Variants in AGRP observed in about 807,000 individuals in gnomAD.
The protein encoded by AGRP is agouti related neuropeptide, also known as agouti-related protein.
In AGRP, 8 loss-of-function variants were observed where a neutral mutation model predicts 13.6. The observed-to-expected ratio is 0.59, with a 90% confidence interval of 0.35 to 1.06. The LOEUF is 1.06. Among genes scored for constraint, AGRP ranks in the 50% least tolerant of loss-of-function variants. AGRP has a pLI of 0.02. For synonymous variants in AGRP, 63 were observed against 72.4 expected (o/e 0.87, Z 0.66); for missense variants, 155 against 174.8 (o/e 0.89, Z 0.64).
chr16:67,482,808 AG>A lies in AGRP; in HGVS notation c.226del (p.Leu76CysfsTer13). The part of the protein sequence containing the change: ...EAQALAEVLD[L>X]QDREPRSSRR... ...TGAGGAGCGGGGCTCGCGGTCCTGC[AG>A]GTCTAGTACCTGCAGGGGTGGGGAA... is the stretch of plus-strand genomic sequence containing the variant. On this transcript the variant is annotated frameshift_variant, in exon 4 of 4. Transcript: ENST00000290953. LOFTEE classifies it high-confidence loss of function. 1.2e-6 allele frequency: 2 copies of A among 1,614,056 alleles called. No individual in the cohort carries two copies. The highest frequency in any genetic ancestry group is 1.7e-6 in the Non-Finnish European group (2 of 1,180,014).
In AGRP at chr16:67,483,072, C is replaced by T. The variant is rs1345729961; in HGVS notation, c.169G>A (p.Glu57Lys). 6.2e-7 allele frequency: 1 copy of T among 1,614,100 alleles called. No homozygotes were observed. The highest frequency in any genetic ancestry group is 8.5e-7 in the Non-Finnish European group (1 of 1,180,036). Residue 57 changes from glutamate to lysine, a missense_variant, in exon 3 of 4, where the codon GAA (glutamate) becomes AAA (lysine). Physicochemically the swap from Glu to Lys is moderately conservative, Grantham distance 56. Coordinates refer to ENST00000290953, the MANE Select transcript of AGRP (RefSeq NM_001138.2). ...LRAPLKKTTAEQAEEDLLQEA... is the reference protein window; with the variant it reads ...LRAPLKKTTAKQAEEDLLQEA... Reference sequence around the variant, plus strand: ...TGCAACAGATCCTCTTCTGCCTGTTCTGCAGTTGTCTTCTTCAGTGGGGCC... The same window carrying T: ...TGCAACAGATCCTCTTCTGCCTGTTTTGCAGTTGTCTTCTTCAGTGGGGCC...
chr16:67,482,943 G>T, intron 3 of AGRP, 82 bp downstream of exon 3: 1 of 1,566,678 alleles, frequency 6.4e-7, no homozygotes, highest in African/African-American at 1.4e-5. Context: ...GCTGGTGAGG[G>T]AGTTTGGAGC....
Position 67,482,690 on chromosome 16 carries a change from G to A in AGRP, c.345C>T (p.Ala115=), listed in dbSNP as rs1326872271. The A allele has an allele frequency of 1.9e-6, 3 of 1,614,200 alleles. No homozygotes were observed. The highest frequency in any genetic ancestry group is 1.3e-5 in the African/African-American group (1 of 75,050). Residue 115 remains alanine (A), a synonymous_variant, in exon 4 of 4, where the codon GCC becomes GCT. Transcript: ENST00000290953. ...CATCYCRFFN[A]FCYCRKLGTA... Reference sequence around the variant, plus strand: ...TACCCAGCTTGCGGCAGTAGCAGAAGGCATTGAAGAAGCGGCAGTAGCACG... The same window carrying A: ...TACCCAGCTTGCGGCAGTAGCAGAAAGCATTGAAGAAGCGGCAGTAGCACG...
At chr16:67,483,236 G>C in intron 2 of AGRP, 33 bp downstream of exon 2, 1 of 1,579,188 alleles carries the variant, frequency 6.3e-7, no homozygotes, top group Non-Finnish European at 8.6e-7. Flanking sequence ...GGGTATTCAG[G>C]CCCCGCCCAG....
chr16:67,483,370 G>T lies in AGRP; in HGVS notation c.29C>A (p.Ala10Asp), dbSNP rs1433721793. 2 of 1,530,794 alleles carry T rather than the reference G, an allele frequency of 1.3e-6. No individual in the cohort carries two copies. Among genetic ancestry groups the T allele is most frequent in the Admixed American group, 4.3e-5 (2 of 47,048 alleles). 94.8% of individuals were successfully genotyped at this position (1,530,794 alleles called of 1,614,324 possible). A position where few individuals can be genotyped will look rare whatever the true frequency, so the allele number is the denominator to read the frequency against. MLTAAVLSC[A>D]LLLALPATRG... ...CGTGGCAGGCAGTGCCAGCAGCAGG[G>T]CACAGCTCAGCACCGCTGCGGTCAG... The change falls in exon 2 of 4, where the codon GCC (alanine) becomes GAC (aspartate). Residue 10 changes from alanine to aspartate, a missense_variant. Coordinates refer to ENST00000290953, the MANE Select transcript of AGRP (RefSeq NM_001138.2).
Position 67,482,572 on chromosome 16 carries a change from T to G in AGRP, c.*64A>C. 2 of 1,577,396 alleles carry G rather than the reference T, an allele frequency of 1.3e-6. No homozygotes were observed. Among genetic ancestry groups the G allele is most frequent in the African/African-American group, 1.3e-5 (1 of 74,074 alleles). On this transcript the variant is annotated 3_prime_UTR_variant, in exon 4 of 4. Transcript: ENST00000290953. ...GTTTGAAATAACCACAGCCTTGGGGTTGGTCCCATCCTTTATTCGAGTTTC... is the reference window on the plus strand; with the variant it reads ...GTTTGAAATAACCACAGCCTTGGGGGTGGTCCCATCCTTTATTCGAGTTTC...
chr16:67,483,540 A>C lies in AGRP; in HGVS notation c.-27T>G. ...ACCTCTGCCTCCGGGATTCTTGCCT[A>C]GAGAGTTCCCGGCCACCCCGTGCCC... On this transcript the variant is annotated 5_prime_UTR_variant, in exon 1 of 4. Transcript: ENST00000290953. The C allele has an allele frequency of 9.9e-7, 1 of 1,012,996 alleles. No individual in the cohort carries two copies. The highest frequency in any genetic ancestry group is 1.3e-6 in the Non-Finnish European group (1 of 748,574). The allele number at this position is 1,012,996 out of a possible 1,614,324, so 62.8% of individuals were successfully genotyped here.
chr16:67,483,460 G>A (rs961793029), intron 1 of AGRP, 57 bp downstream of exon 1: 3 of 1,450,002 alleles, frequency 2.1e-6, no homozygotes, highest in Admixed American at 2.4e-5. Context: ...TCCCCTCTAG[G>A]TGCCCAGATA....
intron 1 of AGRP, 49 bp from the exon 2 acceptor site, chr16:67,483,450 TC>T: frequency 6.8e-7 from 1 of 1,461,580 alleles, no homozygotes; most frequent in Non-Finnish European, 9.0e-7. Context: ...ATCCTTGGAG[TC>T]CCCTCTAGGT....
intron 2 of AGRP, 32 bp downstream of exon 2, chr16:67,483,237 C>A: frequency 6.3e-7 from 1 of 1,578,746 alleles, no homozygotes; most frequent in Admixed American, 1.8e-5. Flanking sequence ...GGTATTCAGG[C>A]CCCGCCCAGT....
intron 3 of AGRP, 99 bp from the exon 4 acceptor site, chr16:67,482,917 G>A: frequency 6.4e-7 from 1 of 1,567,602 alleles, no homozygotes; most frequent in South Asian, 1.1e-5. Context: ...GGGAAGGGGT[G>A]GTCGGTAGTG....
Position 67,482,835 on chromosome 16 carries a change from C to A in AGRP, c.217-17G>T. ...GTCTAGTACCTGCAGGGGTGGGGAA[C>A]CAGCACAGGCCTCTAAAGACAGATC... On this transcript the variant is annotated splice_polypyrimidine_tract_variant and intron_variant, in intron 3 of 3. Coordinates refer to ENST00000290953, the MANE Select transcript of AGRP (RefSeq NM_001138.2). 6.2e-7 allele frequency: 1 copy of A among 1,613,450 alleles called. No homozygotes were observed. Among genetic ancestry groups the A allele is most frequent in the Non-Finnish European group, 8.5e-7 (1 of 1,179,674 alleles).
At position 67,482,584 on chromosome 16, in the gene AGRP, T is replaced by C; in HGVS notation, c.*52A>G. 1 of 1,605,104 alleles carries C rather than the reference T, an allele frequency of 6.2e-7. No individual in the cohort carries two copies. Among genetic ancestry groups the C allele is most frequent in the Non-Finnish European group, 8.5e-7 (1 of 1,172,176 alleles). The stretch of plus-strand genomic sequence containing the variant: ...CACAGCCTTGGGGTTGGTCCCATCC[T>C]TTATTCGAGTTTCCTTGCCCCTACC... On this transcript the variant is annotated 3_prime_UTR_variant, in exon 4 of 4. Transcript: ENST00000290953.
rs1173651175 is a variant in AGRP at position 67,482,832 on chromosome 16, G to A, written c.217-14C>T. 3.1e-6 allele frequency: 5 copies of A among 1,613,574 alleles called. No homozygotes were observed. Among genetic ancestry groups the A allele is most frequent in the Middle Eastern group, 1.6e-4 (1 of 6,070 alleles). On this transcript the variant is annotated splice_polypyrimidine_tract_variant and intron_variant, in intron 3 of 3. Transcript: ENST00000290953. ...CAGGTCTAGTACCTGCAGGGGTGGGGAACCAGCACAGGCCTCTAAAGACAG... is the reference window on the plus strand; with the variant it reads ...CAGGTCTAGTACCTGCAGGGGTGGGAAACCAGCACAGGCCTCTAAAGACAG...
chr16:67,483,345 C>G lies in AGRP; in HGVS notation c.54G>C (p.Thr18=). The change falls in exon 2 of 4, where the codon ACG becomes ACC. Residue 18 remains threonine, a synonymous_variant. Transcript: ENST00000290953. ...GGGCCAAGCCCATCTGGGCTCCTCG[C>G]GTGGCAGGCAGTGCCAGCAGCAGGG... ...SCALLLALPA[T]RGAQMGLAPM... 2 of 1,555,564 alleles carry G rather than the reference C, an allele frequency of 1.3e-6. No individual in the cohort carries two copies. The highest frequency in any genetic ancestry group is 1.7e-6 in the Non-Finnish European group (2 of 1,153,644).
intron 2 of AGRP, 27 bp downstream of exon 2, chr16:67,483,242 C>T (rs1437217055): frequency 1.3e-6 from 2 of 1,576,276 alleles, no homozygotes; most frequent in East Asian, 2.3e-5. Context: ...TCAGGCCCCG[C>T]CCAGTCCCAC....
Position 67,483,317 on chromosome 16 carries a change from T to C in AGRP, c.82A>G (p.Met28Val). ...TRGAQMGLAP[M>V]EGIRRPDQAL... ...TGGTCAGGCCTTCTGATGCCCTCCA[T>C]GGGGGCCAAGCCCATCTGGGCTCCT... The change falls in exon 2 of 4, where the codon ATG (methionine) becomes GTG (valine). Residue 28 changes from methionine to valine, a missense_variant. Met to Val is a conservative substitution (Grantham distance 21). Coordinates refer to ENST00000290953, the MANE Select transcript of AGRP (RefSeq NM_001138.2). The C allele has an allele frequency of 6.5e-7, 1 of 1,533,716 alleles. No individual in the cohort carries two copies. Among genetic ancestry groups the C allele is most frequent in the South Asian group, 1.2e-5 (1 of 85,434 alleles).
At position 67,483,368 on chromosome 16, in the gene AGRP, G is replaced by A; in HGVS notation, c.31C>T (p.Leu11=). 1 of 1,547,258 alleles carries A rather than the reference G, an allele frequency of 6.5e-7. No homozygotes were observed. The highest frequency in any genetic ancestry group is 8.7e-7 in the Non-Finnish European group (1 of 1,149,174). MLTAAVLSCA[L]LLALPATRGA... is the part of the protein sequence containing the mutation. ...CGCGTGGCAGGCAGTGCCAGCAGCAGGGCACAGCTCAGCACCGCTGCGGTC... is the reference window on the plus strand; with the variant it reads ...CGCGTGGCAGGCAGTGCCAGCAGCAAGGCACAGCTCAGCACCGCTGCGGTC... Residue 11 remains leucine (L), a synonymous_variant, in exon 2 of 4, where the codon CTG becomes TTG. Coordinates refer to ENST00000290953, the MANE Select transcript of AGRP (RefSeq NM_001138.2).
At position 67,483,532 on chromosome 16, in the gene AGRP, T is replaced by A; in HGVS notation, c.-19A>T. ...GAGGACTCACCTCTGCCTCCGGGAT[T>A]CTTGCCTAGAGAGTTCCCGGCCACC... is the stretch of plus-strand genomic sequence containing the variant. On this transcript the variant is annotated 5_prime_UTR_variant, in exon 1 of 4. Coordinates refer to ENST00000290953, the MANE Select transcript of AGRP (RefSeq NM_001138.2). 9.0e-7 allele frequency: 1 copy of A among 1,111,786 alleles called. No homozygotes were observed. The highest frequency in any genetic ancestry group is 1.2e-6 in the Non-Finnish European group (1 of 831,772). The allele number at this position is 1,111,786 out of a possible 1,614,324, so 68.9% of individuals were successfully genotyped here.
Sources: allele counts gnomAD v4.1 joint callset, GRCh38; gene constraint gnomAD v4.1.1; transcripts MANE v1.5; gene names NCBI Gene and HGNC (gene_info 2026-07-23, HGNC 2026-07-21).